Variants in ACACA observed in about 807,000 individuals in gnomAD.
ACACA encodes the protein acetyl-CoA carboxylase alpha.
Under a neutral mutation model 296.1 loss-of-function variants are expected in ACACA, and 103 were observed. The ratio of observed to expected loss-of-function variants is 0.35; its 90% CI spans 0.30 to 0.41. The LOEUF (loss-of-function observed/expected upper bound fraction) is 0.41, where lower values mean the gene tolerates loss of function less well. ACACA is among the 10% of genes least tolerant of loss of function. The probability of loss-of-function intolerance (pLI) is 1.00; values close to 1 mark genes in which losing one functional copy is unlikely to be tolerated. For synonymous variants in ACACA, 953 were observed against 1,038.6 expected (o/e 0.92, Z 1.58); for missense variants, 1,554 against 2,989.7 (o/e 0.52, Z 11.20).
chr17:37,394,489 G>A (rs530242095), intron 1 of ACACA, among the ~76,000 whole-genome samples: 85 of 151,610 alleles, frequency 5.6e-4, no homozygotes, highest in Non-Finnish European at 5.9e-5. Flanking sequence ...GGGGTAAAAA[G>A]TCCAGGCGTG....
At chr17:37,341,227 A>C (rs1438286336) in intron 1 of ACACA, among the ~76,000 whole-genome samples, 1 of 152,250 alleles carries the variant, frequency 6.6e-6, no homozygotes, top group Non-Finnish European at 1.5e-5. Context: ...CCAGCAAAAC[A>C]TTAAGAAATC....
chr17:37,348,370 C>G (rs1400012540), intron 1 of ACACA, among the ~76,000 whole-genome samples: 1 of 151,970 alleles, frequency 6.6e-6, no homozygotes, highest in Non-Finnish European at 1.5e-5. Context: ...AAAAGAGACA[C>G]CAAGGCACAT....
rs1466480172 is a variant in ACACA, at chr17:37,355,109, G to A, written c.39-15259C>T. ...TATACAAAAATTAGCCAGGCATGGT[G>A]GCATGCGCCTGTAATCCCACCTACT... On this transcript the variant is annotated intron_variant, in intron 1 of 55. Transcript: ENST00000616317. 2.0e-5 allele frequency among the ~76,000 whole-genome samples: 3 copies of A among 151,958 alleles called. No homozygotes were observed. In the East Asian group the frequency reaches 5.8e-4, roughly 29 times the overall value.
At position 37,386,267 on chromosome 17, in the gene ACACA, G is replaced by GA. The variant is rs1399418391; in HGVS notation, c.38+19994dup. The GA allele has an allele frequency of 1.2e-5, 7 of 599,770 alleles. No homozygotes were observed. In the Admixed American group the frequency reaches 2.2e-4, roughly 19 times the overall value. The allele number at this position is 599,770 out of a possible 1,614,324, so 37.2% of individuals were successfully genotyped here. A position where few individuals can be genotyped will look rare whatever the true frequency, so the allele number is the denominator to read the frequency against. ...GTTGAGAAGTTACTGAATGTACATT[G>GA]AAAAATCATTCAATTTTTTATTTTA... On this transcript the variant is annotated intron_variant, in intron 1 of 55. Transcript: ENST00000616317.
chr17:37,406,667 G>C lies in ACACA; in HGVS notation c.-368C>G, dbSNP rs1190123403. ...ACGGGCCACGCGCCACACGGGCAAA[G>C]TGATTACTGGTCGGATCAAAAGTCA... On this transcript the variant is annotated 5_prime_UTR_variant, in exon 1 of 56. Coordinates refer to ENST00000616317, the MANE Select transcript of ACACA (RefSeq NM_198834.3). 3 of 433,680 alleles carry C rather than the reference G, an allele frequency of 6.9e-6. No homozygotes were observed. Among genetic ancestry groups the C allele is most frequent in the East Asian group, 9.8e-5 (2 of 20,460 alleles). The allele number at this position is 433,680 out of a possible 1,614,324, so 26.9% of individuals were successfully genotyped here.
At chr17:37,353,682 C>T (rs911803102) in intron 1 of ACACA, among the ~76,000 whole-genome samples, 2 of 136,502 alleles carry the variant, frequency 1.5e-5, no homozygotes, top group African/African-American at 5.3e-5. Context: ...TTTACAGGAA[C>T]TTCATTAAGA....
intron 34 of ACACA, 103 bp downstream of exon 34, chr17:37,200,324 C>T (rs1354214518): frequency 1.5e-6 from 2 of 1,375,994 alleles, no homozygotes; most frequent in Non-Finnish European, 2.1e-6. Flanking sequence ...GGTTATTTCT[C>T]TGCATAAATC....
chr17:37,316,302 T>TACATACACACACACAC (rs1362904609), intron 3 of ACACA, among the ~76,000 whole-genome samples: 3 of 142,596 alleles, frequency 2.1e-5, no homozygotes, highest in Non-Finnish European at 3.1e-5. Context: ...TACCCTTACA[T>TACATACACACACACAC]ACACACACAC....
intron 1 of ACACA, chr17:37,392,419 A>G (rs1196524870): frequency 6.6e-6 from 1 of 152,218 alleles, no homozygotes; most frequent in Non-Finnish European, 1.5e-5. Context: ...GAGCAAAATA[A>G]TTATGATAAT....
rs575739861 is a variant in ACACA, at chr17:37,365,730, G to T, written c.39-25880C>A. The T allele has an allele frequency of 6.1e-6, 6 of 985,310 alleles. No homozygotes were observed. In the African/African-American group the frequency reaches 8.7e-5, roughly 14 times the overall value. The allele number at this position is 985,310 out of a possible 1,614,324, so 61.0% of individuals were successfully genotyped here. On this transcript the variant is annotated intron_variant, in intron 1 of 55. Coordinates refer to ENST00000616317, the MANE Select transcript of ACACA (RefSeq NM_198834.3). ...TAAGGTCAGAAAATCTCCTCAGGAA[G>T]GCCACTTCATAAGTCTGGTCCTAAT...
intron 54 of ACACA, among the ~76,000 whole-genome samples, chr17:37,094,035 A>C (rs1271276128): frequency 6.6e-6 from 1 of 152,230 alleles, no homozygotes; most frequent in Non-Finnish European, 1.5e-5. Context: ...AGCCTGTTTG[A>C]AAAACCAGGC....
chr17:37,364,350 T>C (rs1306085555), intron 1 of ACACA, among the ~76,000 whole-genome samples: 3 of 151,592 alleles, frequency 2.0e-5, no homozygotes, highest in Admixed American at 2.0e-4. Context: ...TCCCAAAACT[T>C]TGGGAGGCCA....
intron 5 of ACACA, among the ~76,000 whole-genome samples, chr17:37,280,790 A>C (rs544229187): frequency 6.1e-4 from 93 of 151,834 alleles, no homozygotes; most frequent in African/African-American, 2.2e-3. Context: ...TTTAAAATGC[A>C]AATCCTTAGA....
chr17:37,125,459 T>C (rs1018011221), intron 48 of ACACA, among the ~76,000 whole-genome samples: 4 of 152,154 alleles, frequency 2.6e-5, no homozygotes, highest in Non-Finnish European at 5.9e-5. Context: ...TGAAACATTA[T>C]AAAAAGGAAG....
intron 52 of ACACA, among the ~76,000 whole-genome samples, chr17:37,110,095 A>G (rs1190757679): frequency 6.6e-6 from 1 of 152,250 alleles, no homozygotes; most frequent in Non-Finnish European, 1.5e-5. Flanking sequence ...AGGGAAAAGA[A>G]AAAGGAAGAA....
Position 37,248,584 on chromosome 17 carries a change from T to TCTGCATA in ACACA, c.2163+2_2163+8dup. 1 of 1,584,474 alleles carries TCTGCATA rather than the reference T, an allele frequency of 6.3e-7. No homozygotes were observed. Among genetic ancestry groups the TCTGCATA allele is most frequent in the South Asian group, 1.1e-5 (1 of 90,130 alleles). The stretch of plus-strand genomic sequence containing the variant: ...AGTAAGGTGCAAGCTCCAATGGGGT[T>TCTGCATA]CTGCATACCTTAAGTACATACTTGA... On this transcript the variant is annotated intron_variant, in intron 17 of 55. Coordinates refer to ENST00000616317, the MANE Select transcript of ACACA (RefSeq NM_198834.3).
intron 1 of ACACA, among the ~76,000 whole-genome samples, chr17:37,342,458 T>TATATATATATAC (rs1369014067): frequency 1.0e-5 from 1 of 98,378 alleles, no homozygotes; most frequent in Non-Finnish European, 1.9e-5. Flanking sequence ...TATATATATA[T>TATATATATATAC]ACACACACAC....
chr17:37,302,506 G>A (rs567373669), intron 3 of ACACA, among the ~76,000 whole-genome samples: 9 of 149,946 alleles, frequency 6.0e-5, no homozygotes, highest in South Asian at 2.1e-4. Flanking sequence ...CACCACACCC[G>A]GCCGGTCTGG....
At chr17:37,395,605 C>T (rs759174256) in intron 1 of ACACA, among the ~76,000 whole-genome samples, 11 of 151,754 alleles carry the variant, frequency 7.2e-5, no homozygotes, top group Non-Finnish European at 1.3e-4. Context: ...AGTGCAATGG[C>T]GTGATCTCGG....
Sources: allele counts gnomAD v4.1 joint callset (sites outside exome capture counted in the v4.1 genomes callset), GRCh38; gene constraint gnomAD v4.1.1; transcripts MANE v1.5; gene names NCBI Gene and HGNC (gene_info 2026-07-23, HGNC 2026-07-21).